VAV2: variants seen among roughly 807,000 people sequenced by gnomAD.
VAV2 encodes the protein vav guanine nucleotide exchange factor 2, also known as guanine nucleotide exchange factor VAV2.
A neutral mutation model predicts 132.5 loss-of-function variants in VAV2; 67 were observed. The ratio of observed to expected loss-of-function variants is 0.51; its 90% CI spans 0.42 to 0.62. VAV2 has a LOEUF of 0.62. Ranked by LOEUF, VAV2 falls within the 20% of genes least tolerant of loss-of-function variation. The pLI is 0.00. For synonymous variants in VAV2, 492 were observed against 443.5 expected, an observed-to-expected ratio of 1.11 and a Z score of -1.37; for missense variants, 938 against 1,153.6, an observed-to-expected ratio of 0.81 and a Z score of 2.71.
In VAV2 at chr9:133,792,288, C is replaced by T. The variant is rs540395862; in HGVS notation, c.1102-419G>A. Among the ~76,000 whole-genome samples the T allele has an allele frequency of 8.9e-5, 10 of 112,160 alleles. No homozygotes were observed. In the South Asian group the frequency reaches 2.2e-3, roughly 25 times the overall value. 73.6% of individuals were successfully genotyped at this position (112,160 alleles called of 152,430 possible). ...CTGGGTGGGGTGTGTGGTATGTGAG[C>T]GAGCTGTGCTGGGTGGGGTATGTGT... On this transcript the variant is annotated intron_variant, in intron 12 of 29. Transcript: ENST00000371850.
At chr9:133,819,446 C>T (rs1835700332) in intron 4 of VAV2, among the ~76,000 whole-genome samples, 1 of 137,992 alleles carries the variant, frequency 7.2e-6, no homozygotes, top group South Asian at 2.4e-4. Context: ...GAGGCTCCGT[C>T]TCAAAAAAAA....
chr9:133,846,840 G>A lies in VAV2; in HGVS notation c.381-12500C>T, dbSNP rs558276450. ...ACGGGCGGCAGGGATGAGAGGGAGCGACTTGTCCGCCCCAGTGATCGGGTC... is the reference window on the plus strand; with the variant it reads ...ACGGGCGGCAGGGATGAGAGGGAGCAACTTGTCCGCCCCAGTGATCGGGTC... On this transcript the variant is annotated intron_variant, in intron 3 of 29. Transcript: ENST00000371850. Among the ~76,000 whole-genome samples, 303 of 152,382 alleles carry A rather than the reference G, an allele frequency of 2.0e-3. 2 individuals are homozygous for A. The highest frequency in any genetic ancestry group is 7.2e-3 in the African/African-American group (299 of 41,592).
At chr9:133,797,491 G>A (rs754760326) in intron 10 of VAV2, among the ~76,000 whole-genome samples, 5 of 152,194 alleles carry the variant, frequency 3.3e-5, no homozygotes, top group Non-Finnish European at 4.4e-5. Context: ...TCCATGGGGA[G>A]TCTCACTGTG....
chr9:133,991,109 C>A lies in VAV2; in HGVS notation c.204+966G>T, dbSNP rs1047316361. Reference sequence around the variant, plus strand: ...CCCTCTCCACATGGAGTTGCCACTGCGCGCGGTGAGGGGCTGCTGAGCTGG... The same window carrying A: ...CCCTCTCCACATGGAGTTGCCACTGAGCGCGGTGAGGGGCTGCTGAGCTGG... On this transcript the variant is annotated intron_variant, in intron 1 of 29. Transcript: ENST00000371850. The surrounding 1 kb of genome is among the most constrained non-coding windows in gnomAD (Gnocchi z 4.8). 6.6e-6 allele frequency among the ~76,000 whole-genome samples: 1 copy of A among 152,160 alleles called. No individual in the cohort carries two copies. The highest frequency in any genetic ancestry group is 1.5e-5 in the Non-Finnish European group (1 of 68,026).
At chr9:133,937,507 A>AGAGT (rs56372919) in intron 2 of VAV2, among the ~76,000 whole-genome samples, 130,157 of 149,466 alleles carry the variant, frequency 0.87, 57,358 homozygotes, top group East Asian at 0.96. Flanking sequence ...TGTGCGTGTG[A>AGAGT]GTGTGTGTGC....
intron 19 of VAV2, 125 bp from the exon 20 acceptor site, chr9:133,780,835 A>C (rs1833983241): frequency 8.9e-7 from 1 of 1,117,502 alleles, no homozygotes; most frequent in Non-Finnish European, 1.1e-6. Context: ...CAAGCTACAA[A>C]GTGGTCTGTT....
intron 24 of VAV2, among the ~76,000 whole-genome samples, 175 bp from the exon 25 acceptor site, chr9:133,775,226 G>A (rs1243761760): frequency 6.6e-6 from 1 of 152,200 alleles, no homozygotes; most frequent in African/African-American, 2.4e-5. Context: ...GCACCACTGT[G>A]GATGGGGTCT....
chr9:133,971,060 G>A (rs936224832), intron 1 of VAV2, among the ~76,000 whole-genome samples: 7 of 152,192 alleles, frequency 4.6e-5, no homozygotes, highest in South Asian at 2.1e-4. Context: ...TCAGGAGCCC[G>A]CGGTGCCTCC....
chr9:133,818,326 A>G (rs1835648536), intron 4 of VAV2, among the ~76,000 whole-genome samples: 1 of 150,156 alleles, frequency 6.7e-6, no homozygotes, highest in African/African-American at 2.5e-5. Flanking sequence ...AGATCGCGCC[A>G]CTGCACTCCA....
Position 133,961,366 on chromosome 9 carries a change from C to T in VAV2, c.205-22147G>A, listed in dbSNP as rs1204159996. Among the ~76,000 whole-genome samples the T allele has an allele frequency of 2.0e-5, 3 of 152,220 alleles. No homozygotes were observed. Among genetic ancestry groups the T allele is most frequent in the African/African-American group, 2.4e-5 (1 of 41,460 alleles). ...ACACCATGGGCAGTGGAATGAGCAA[C>T]GTGCAGTTTTGCACCCAGAAACTGG... On this transcript the variant is annotated intron_variant, in intron 1 of 29. Coordinates refer to ENST00000371850, the MANE Select transcript of VAV2 (RefSeq NM_001134398.2). The surrounding 1 kb of genome is among the most constrained non-coding windows in gnomAD (Gnocchi z 4.1).
chr9:133,938,676 C>T (rs538609871), intron 2 of VAV2, among the ~76,000 whole-genome samples: 3 of 152,204 alleles, frequency 2.0e-5, no homozygotes, highest in Admixed American at 6.5e-5. Flanking sequence ...ACACAGTAGG[C>T]GCTTTCCCCT....
At chr9:133,882,997 G>C (rs966468040) in intron 2 of VAV2, among the ~76,000 whole-genome samples, 14 of 152,110 alleles carry the variant, frequency 9.2e-5, no homozygotes, top group African/African-American at 3.4e-4. Flanking sequence ...TGGCACCCTG[G>C]GTTCGGGATG....
chr9:133,895,574 TTA>T lies in VAV2; in HGVS notation c.322-34144_322-34143del, dbSNP rs374830090. ...GGGACAATCTATTGTGACATTCCAT[TTA>T]TAGGAAGTTTCCAGACCAGGCAAAT... On this transcript the variant is annotated intron_variant, in intron 2 of 29. Transcript: ENST00000371850. 5.7e-4 allele frequency among the ~76,000 whole-genome samples: 86 copies of T among 152,202 alleles called. 1 individual carries two copies. In the South Asian group the frequency reaches 0.015, roughly 26 times the overall value.
At chr9:133,964,076 T>A (rs1290122893) in intron 1 of VAV2, among the ~76,000 whole-genome samples, 1 of 139,804 alleles carries the variant, frequency 7.2e-6, no homozygotes, top group East Asian at 2.1e-4. Flanking sequence ...TATAAATGAA[T>A]AGGCCAGGTA....
chr9:133,851,597 G>C (rs1300684696), intron 3 of VAV2, among the ~76,000 whole-genome samples: 1 of 152,206 alleles, frequency 6.6e-6, no homozygotes, highest in African/African-American at 2.4e-5. Context: ...AATGATTCTA[G>C]AGTACCACAC....
intron 2 of VAV2, among the ~76,000 whole-genome samples, chr9:133,862,179 G>A (rs73555919): frequency 0.028 from 4,287 of 152,352 alleles, 197 homozygotes; most frequent in African/African-American, 0.096. Context: ...GCCTCCTCTG[G>A]ATAGGCAGGA....
intron 9 of VAV2, 129 bp downstream of exon 9, chr9:133,805,952 G>T: frequency 1.0e-6 from 1 of 966,646 alleles, no homozygotes; most frequent in South Asian, 1.7e-5. Flanking sequence ...AAGGGAGGAC[G>T]GGGTCCAGAG....
At chr9:133,987,107 C>T (rs896220142) in intron 1 of VAV2, among the ~76,000 whole-genome samples, 2 of 152,016 alleles carry the variant, frequency 1.3e-5, no homozygotes, top group Admixed American at 6.6e-5. Context: ...GAAGCCCAGC[C>T]GTGGCCCTGC....
chr9:133,771,693 G>C (rs558476480), intron 26 of VAV2, among the ~76,000 whole-genome samples: 1 of 152,286 alleles, frequency 6.6e-6, no homozygotes, highest in South Asian at 2.1e-4. Context: ...TGGGGCTGCT[G>C]GTGGCCTGGG....
Sources: gnomAD v4.1 joint callset for allele counts (sites outside exome capture counted in the v4.1 genomes callset) on GRCh38, gnomAD v4.1.1 for gene constraint, Gnocchi (gnomAD v3.1) non-coding constraint, MANE v1.5 for transcripts, NCBI Gene and HGNC (gene_info 2026-07-23, HGNC 2026-07-21) for gene names.